The following ATP2C1 variants were observed in gnomAD, a reference collection of about 807,000 sequenced individuals.
ATP2C1 encodes the protein ATPase secretory pathway Ca2+ transporting 1.
Under a neutral mutation model 120.5 loss-of-function variants are expected in ATP2C1, and 31 were observed. That is an observed-to-expected ratio of 0.26 (90% CI 0.19 to 0.35). The LOEUF (loss-of-function observed/expected upper bound fraction) is 0.35, where lower values mean the gene tolerates loss of function less well. Ranked by LOEUF, ATP2C1 falls within the 10% of genes least tolerant of loss-of-function variation. The pLI is 1.00. For synonymous variants in ATP2C1, 351 were observed against 358.7 expected (o/e 0.98, Z 0.24); for missense variants, 731 against 1,107.5 (o/e 0.66, Z 4.83).
intron 26 of ATP2C1, 44 bp from the exon 27 acceptor site, chr3:130,999,474 C>T: frequency 6.2e-7 from 1 of 1,607,862 alleles, no homozygotes; most frequent in Non-Finnish European, 8.5e-7. Context: ...GAAGTTATTT[C>T]TGTGACCAAG....
At position 130,970,036 on chromosome 3, in the gene ATP2C1, G is replaced by A. The variant is rs140437520; in HGVS notation, c.1413+640G>A. ...TAACTTTAAAAAATATTGAAGCTTG[G>A]GCTGGATGCGGTAGCTCACGCCTGT... is the stretch of plus-strand genomic sequence containing the variant. On this transcript the variant is annotated intron_variant, in intron 17 of 27. Transcript: ENST00000510168. 7.6e-3 allele frequency among the ~76,000 whole-genome samples: 1,155 copies of A among 152,248 alleles called. 18 individuals carry two copies. The highest frequency in any genetic ancestry group is 0.027 in the African/African-American group (1,101 of 41,544).
intron 17 of ATP2C1, among the ~76,000 whole-genome samples, chr3:130,972,004 TC>T (rs1440132384): frequency 6.6e-6 from 1 of 152,138 alleles, no homozygotes; most frequent in Admixed American, 6.5e-5. Flanking sequence ...AAGGCAGTGG[TC>T]CCCAGCCTTT....
chr3:130,936,212 T>TA (rs1423241305), intron 5 of ATP2C1, among the ~76,000 whole-genome samples: 4 of 151,712 alleles, frequency 2.6e-5, no homozygotes, highest in African/African-American at 9.7e-5. Flanking sequence ...TGTGTTTTTT[T>TA]TAAAAAAAAA....
Position 130,977,390 on chromosome 3 carries a change from C to T in ATP2C1, c.1571-1859C>T, listed in dbSNP as rs575342996. Among the ~76,000 whole-genome samples the T allele has an allele frequency of 6.6e-5, 10 of 152,190 alleles. No homozygotes were observed. The South Asian group carries it at 1.2e-3, about 19-fold the overall frequency. ...TGAACTTCTGGGATGTCATCACTTC[C>T]AGTTTGTTGGCTTTGTTTCCAGCTA... On this transcript the variant is annotated intron_variant, in intron 18 of 27. Transcript: ENST00000510168.
At chr3:130,939,475 G>C (rs1376944452) in intron 6 of ATP2C1, among the ~76,000 whole-genome samples, 1 of 152,248 alleles carries the variant, frequency 6.6e-6, no homozygotes, top group Non-Finnish European at 1.5e-5. Context: ...TTAGGTTTTA[G>C]GTGGTATGTT....
At chr3:131,008,341 G>C (rs2063193318) in intron 26 of ATP2C1, among the ~76,000 whole-genome samples, 1 of 151,082 alleles carries the variant, frequency 6.6e-6, no homozygotes, top group African/African-American at 2.4e-5. Context: ...AACCAGAACT[G>C]CTTGAACCTG....
intron 1 of ATP2C1, among the ~76,000 whole-genome samples, chr3:130,856,424 G>A (rs947926995): frequency 6.6e-6 from 1 of 152,196 alleles, no homozygotes; most frequent in Non-Finnish European, 1.5e-5. Context: ...GGTTGCTGAT[G>A]TAGGCTCTGA....
chr3:130,969,331 G>A lies in ATP2C1; in HGVS notation c.1348G>A (p.Ala450Thr), dbSNP rs41434650. 3,007 of 1,613,898 alleles carry A rather than the reference G, an allele frequency of 1.9e-3. 41 individuals carry two copies. In the African/African-American group the frequency reaches 0.032, roughly 17 times the overall value. Reference protein sequence around the residue: ...DGLQQDYIRKAEYPFSSEQKW... With the variant: ...DGLQQDYIRKTEYPFSSEQKW... ...ACTTCAACAAGACTACATCAGAAAAGCTGAATACCCTTTTAGCTCTGAGCA... is the reference window on the plus strand; with the variant it reads ...ACTTCAACAAGACTACATCAGAAAAACTGAATACCCTTTTAGCTCTGAGCA... The change falls in exon 17 of 28, where the codon GCT becomes ACT. Residue 450 changes from alanine to threonine, a missense_variant. Physicochemically the swap from Ala to Thr is moderately conservative, Grantham distance 58. Around this residue, in one of 3 missense-constraint regions of ATP2C1, gnomAD observed 571 missense variants for 845.9 expected, o/e 0.67. Transcript: ENST00000510168.
chr3:130,981,283 T>C (rs1361107542), intron 20 of ATP2C1, among the ~76,000 whole-genome samples: 1 of 152,190 alleles, frequency 6.6e-6, no homozygotes, highest in Non-Finnish European at 1.5e-5. Flanking sequence ...GCACTAAAAA[T>C]TGAATCATAC....
chr3:130,997,535 G>A, intron 24 of ATP2C1, 71 bp from the exon 25 acceptor site: 1 of 1,405,014 alleles, frequency 7.1e-7, no homozygotes, highest in Non-Finnish European at 1.0e-6. Flanking sequence ...ATTGAGGTTA[G>A]TGAGGTTGTG....
downstream of ATP2C1, among the ~76,000 whole-genome samples, chr3:131,007,826 C>A (rs577130282): frequency 6.6e-6 from 1 of 152,134 alleles, no homozygotes; most frequent in Non-Finnish European, 1.5e-5. Context: ...CTGTGAAACA[C>A]GTGATATGTG....
chr3:130,994,149 C>G (rs2062486069), intron 22 of ATP2C1, 51 bp downstream of exon 22: 3 of 1,600,760 alleles, frequency 1.9e-6, no homozygotes, highest in Non-Finnish European at 1.7e-6. Context: ...CCTATCCTTT[C>G]CTGTCCCCCA....
rs371663211 is a variant in ATP2C1 at position 131,014,052 on chromosome 3, G to T, written c.2630-2100G>T. ...AAATACATCTAGTTTGATGCAAACT[G>T]AGTTTTATTCAATGTTGGAGGCCTC... is the stretch of plus-strand genomic sequence containing the variant. On this transcript the variant is annotated intron_variant, in intron 26 of 26. Transcript: ENST00000328560. 59 of 1,544,462 alleles carry T rather than the reference G, an allele frequency of 3.8e-5. No homozygotes were observed. In the African/African-American group the frequency reaches 5.7e-4, roughly 15 times the overall value.
intron 2 of ATP2C1, among the ~76,000 whole-genome samples, chr3:130,895,873 T>C (rs1576620056): frequency 1.3e-5 from 2 of 152,218 alleles, no homozygotes; most frequent in Non-Finnish European, 2.9e-5. Flanking sequence ...CAAATTTTAC[T>C]CTGGATGGAT....
rs1420886093 is a variant in ATP2C1 at position 130,980,655 on chromosome 3, G to T, written c.1815G>T (p.Gln605His). 1.9e-6 allele frequency: 3 copies of T among 1,613,090 alleles called. No homozygotes were observed. The highest frequency in any genetic ancestry group is 1.7e-6 in the Non-Finnish European group (2 of 1,179,372). The change falls in exon 20 of 28, where the codon CAG becomes CAT. Residue 605 changes from glutamine to histidine, a missense_variant. Coordinates refer to ENST00000510168, the MANE Select transcript of ATP2C1 (RefSeq NM_001378687.1). ...AAGAAATAGATGCAATGGATGTTCAGCAGCTTTCACAAATAGTACCAAAGG... is the reference window on the plus strand; with the variant it reads ...AAGAAATAGATGCAATGGATGTTCATCAGCTTTCACAAATAGTACCAAAGG... ...SGEEIDAMDV[Q>H]QLSQIVPKVA...
chr3:131,009,306 C>G (rs1036909447), intron 26 of ATP2C1, among the ~76,000 whole-genome samples: 2 of 152,082 alleles, frequency 1.3e-5, no homozygotes, highest in Admixed American at 6.5e-5. Flanking sequence ...TTGCATAGTT[C>G]CCACAGATAC....
At chr3:131,015,282 G>T (rs927938330) in intron 26 of ATP2C1, 2 of 695,290 alleles carry the variant, frequency 2.9e-6, no homozygotes, top group Admixed American at 2.1e-5. Flanking sequence ...AAATAGACAA[G>T]CCCCTCCCCC....
At chr3:130,900,342 A>G (rs1305793300) in intron 2 of ATP2C1, among the ~76,000 whole-genome samples, 2 of 152,148 alleles carry the variant, frequency 1.3e-5, no homozygotes, top group Admixed American at 6.6e-5. Flanking sequence ...AATTATAGGC[A>G]TGAGCCACCG....
At chr3:131,013,009 G>A (rs1187068023) in intron 26 of ATP2C1, among the ~76,000 whole-genome samples, 4 of 152,166 alleles carry the variant, frequency 2.6e-5, no homozygotes, top group Non-Finnish European at 4.4e-5. Flanking sequence ...TATTCCTGAT[G>A]GAATATACCA....
Sources: allele counts gnomAD v4.1 joint callset (sites outside exome capture counted in the v4.1 genomes callset), GRCh38; gene constraint gnomAD v4.1.1; regional missense constraint gnomAD v4.1.1; transcripts MANE v1.5; gene names NCBI Gene and HGNC (gene_info 2026-07-23, HGNC 2026-07-21).